Variants in MAMDC2 observed in about 807,000 individuals in gnomAD.
MAMDC2 encodes MAM domain-containing protein 2.
MAMDC2 carries 57 observed loss-of-function variants against 89.8 expected under a neutral mutation model. The observed-to-expected ratio is 0.63, with a 90% CI of 0.51 to 0.79. The LOEUF is 0.79. Ranked by LOEUF, MAMDC2 falls within the 30% of genes least tolerant of loss-of-function variation. The probability of loss-of-function intolerance (pLI) is 0.00; values close to 1 mark genes in which losing one functional copy is unlikely to be tolerated. For synonymous variants in MAMDC2, 313 were observed against 293.4 expected, an observed-to-expected ratio of 1.07 and a Z score of -0.68; for missense variants, 800 against 820.6, an observed-to-expected ratio of 0.97 and a Z score of 0.31.
chr9:70,145,583 TGC>T (rs2031377805), intron 9 of MAMDC2, among the ~76,000 whole-genome samples: 3 of 23,782 alleles, frequency 1.3e-4, no homozygotes, highest in African/African-American at 1.7e-4. Flanking sequence ...CACACACACA[TGC>T]ACACACATAC....
chr9:70,184,555 T>A (rs1490425019), intron 11 of MAMDC2, among the ~76,000 whole-genome samples: 2 of 152,152 alleles, frequency 1.3e-5, no homozygotes, highest in South Asian at 2.1e-4. Flanking sequence ...CATAGTCCCA[T>A]ATTTCTTGGA....
Position 70,140,140 on chromosome 9 carries a change from C to G in MAMDC2, c.995-5C>G. 1 of 1,561,422 alleles carries G rather than the reference C, an allele frequency of 6.4e-7. No individual in the cohort carries two copies. The highest frequency in any genetic ancestry group is 2.4e-5 in the East Asian group (1 of 42,496). On this transcript the variant is annotated splice_polypyrimidine_tract_variant and splice_region_variant and intron_variant, in intron 7 of 13. Coordinates refer to ENST00000377182, the MANE Select transcript of MAMDC2 (RefSeq NM_153267.5). ...TGTCATTAACTTTGCTTGTCCTTTG[C>G]TCAGAACTTCTGTTCAGTGCCGTGG...
At position 70,121,277 on chromosome 9, in the gene MAMDC2, A is replaced by G. The variant is rs138052873; in HGVS notation, c.644-4882A>G. Among the ~76,000 whole-genome samples, 1,508 of 152,346 alleles carry G rather than the reference A, an allele frequency of 9.9e-3. 30 individuals carry two copies. Among genetic ancestry groups the G allele is most frequent in the South Asian group, 0.071 (344 of 4,832 alleles). ...AGCTAATACAGAGGGCTGCTGCAAG[A>G]AAGGAACAGACAGCCTCTTCAGGAG... is the stretch of plus-strand genomic sequence containing the variant. On this transcript the variant is annotated intron_variant, in intron 5 of 13. Transcript: ENST00000377182.
At chr9:70,156,242 A>G (rs2031762119) in intron 9 of MAMDC2, among the ~76,000 whole-genome samples, 1 of 152,320 alleles carries the variant, frequency 6.6e-6, no homozygotes, top group Admixed American at 6.5e-5. Context: ...CACTTTTAAA[A>G]TCTTTTTAAC....
chr9:70,223,182 T>G (rs916260295), intron 12 of MAMDC2, among the ~76,000 whole-genome samples: 4 of 151,456 alleles, frequency 2.6e-5, no homozygotes, highest in African/African-American at 9.7e-5. Context: ...CAAATTTTCT[T>G]GTTTATGATG....
intron 6 of MAMDC2, among the ~76,000 whole-genome samples, chr9:70,131,162 A>G (rs561728128): frequency 6.6e-6 from 1 of 152,302 alleles, no homozygotes; most frequent in African/African-American, 2.4e-5. Context: ...AGAAGGGGCA[A>G]ATGAGCTCCC....
intron 2 of MAMDC2, among the ~76,000 whole-genome samples, chr9:70,068,778 C>T (rs1194274212): frequency 6.7e-6 from 1 of 148,550 alleles, no homozygotes; most frequent in Non-Finnish European, 1.5e-5. Context: ...CATCTAAATT[C>T]CAGGACAAAT....
rs1348632454 is a variant in MAMDC2 at position 70,218,581 on chromosome 9, TGA to T, written c.1900_1901del (p.Arg634AlafsTer7). ...TACGAGCACTGATTGAATACAGCTGTGAGAGGCAACACCAGGTAAGCCAACAG... is the reference window on the plus strand; with the variant it reads ...TACGAGCACTGATTGAATACAGCTGTGAGGCAACACCAGGTAAGCCAACAG... The part of the protein sequence containing the change: ...WLRALIEYSC[E>X]RQHQIIFEAI... On this transcript the variant is annotated frameshift_variant, in exon 12 of 14. Coordinates refer to ENST00000377182, the MANE Select transcript of MAMDC2 (RefSeq NM_153267.5). LOFTEE classifies it high-confidence loss of function. 5.0e-6 allele frequency: 8 copies of T among 1,608,106 alleles called. No individual in the cohort carries two copies. The highest frequency in any genetic ancestry group is 6.0e-6 in the Non-Finnish European group (7 of 1,175,830).
At chr9:70,071,046 A>G (rs1266270654) in intron 2 of MAMDC2, among the ~76,000 whole-genome samples, 5 of 152,214 alleles carry the variant, frequency 3.3e-5, no homozygotes, top group Non-Finnish European at 7.3e-5. Context: ...CTCTATAAAC[A>G]GGAAATGAAA....
chr9:70,104,608 C>T (rs1396980923), intron 2 of MAMDC2, among the ~76,000 whole-genome samples: 3 of 152,056 alleles, frequency 2.0e-5, no homozygotes, highest in African/African-American at 4.8e-5. Context: ...TATTAGCCCC[C>T]AAAAAGAATG....
At chr9:70,225,649 G>C in intron 12 of MAMDC2, 101 bp from the exon 13 acceptor site, 2 of 674,526 alleles carry the variant, frequency 3.0e-6, no homozygotes, top group Non-Finnish European at 5.2e-6. Context: ...GGATCCTCAA[G>C]AGCAATCTAC....
chr9:70,153,023 C>T (rs867832762), intron 9 of MAMDC2: 1 of 152,194 alleles, frequency 6.6e-6, no homozygotes, highest in Non-Finnish European at 1.5e-5. Flanking sequence ...GATAATTCTA[C>T]ACCTGATTTT....
intron 11 of MAMDC2, among the ~76,000 whole-genome samples, chr9:70,180,001 C>T (rs2032603238): frequency 6.6e-6 from 1 of 151,514 alleles, no homozygotes. Context: ...GCCCTGCATG[C>T]ATTAGATATT....
chr9:70,116,789 G>A lies in MAMDC2; in HGVS notation c.643+3657G>A, dbSNP rs191199375. On this transcript the variant is annotated intron_variant, in intron 5 of 13. Coordinates refer to ENST00000377182, the MANE Select transcript of MAMDC2 (RefSeq NM_153267.5). ...ATGTCTTGACCAGAAGGGTCAAGAC[G>A]TAAGCATAGTGGTGTGGTCATCCTT... 2.0e-3 allele frequency among the ~76,000 whole-genome samples: 299 copies of A among 152,108 alleles called. 5 individuals carry two copies. The highest frequency in any genetic ancestry group is 7.6e-4 in the Non-Finnish European group (52 of 68,012).
chr9:70,223,678 G>A (rs1452268217), intron 12 of MAMDC2, among the ~76,000 whole-genome samples: 2 of 152,056 alleles, frequency 1.3e-5, no homozygotes, highest in Non-Finnish European at 2.9e-5. Flanking sequence ...GGGCACCCTG[G>A]GGCACCTCAG....
chr9:70,155,831 C>T (rs2031742854), intron 9 of MAMDC2, among the ~76,000 whole-genome samples: 1 of 152,124 alleles, frequency 6.6e-6, no homozygotes, highest in Non-Finnish European at 1.5e-5. Flanking sequence ...ATTATACATA[C>T]CCAGGAAAGT....
intron 2 of MAMDC2, among the ~76,000 whole-genome samples, chr9:70,099,432 G>C (rs973665725): frequency 1.3e-5 from 2 of 152,096 alleles, no homozygotes; most frequent in African/African-American, 4.8e-5. Flanking sequence ...ACATAATTGA[G>C]GATGCAGTTC....
chr9:70,101,235 A>G (rs1313377644), intron 2 of MAMDC2, among the ~76,000 whole-genome samples: 1 of 152,236 alleles, frequency 6.6e-6, no homozygotes, highest in Non-Finnish European at 1.5e-5. Context: ...TTTATACAGT[A>G]CCGTACAGTG....
At chr9:70,210,748 T>C (rs1271663401) in intron 11 of MAMDC2, among the ~76,000 whole-genome samples, 1 of 152,212 alleles carries the variant, frequency 6.6e-6, no homozygotes, top group Non-Finnish European at 1.5e-5. Context: ...CAATTTGGCA[T>C]GTTTTTGCAG....
Sources: gnomAD v4.1 joint callset for allele counts (sites outside exome capture counted in the v4.1 genomes callset) on GRCh38, gnomAD v4.1.1 for gene constraint, MANE v1.5 for transcripts, NCBI Gene and HGNC (gene_info 2026-07-23, HGNC 2026-07-21) for gene names.